The following SMG6 variants were observed in gnomAD, a reference collection of about 807,000 sequenced individuals.
SMG6 encodes telomerase-binding protein EST1A.
SMG6 carries 66 observed loss-of-function variants against 142.2 expected under a neutral mutation model. The ratio of observed to expected loss-of-function variants is 0.46; its 90% CI spans 0.38 to 0.57. SMG6 has a LOEUF of 0.57. Among genes scored for constraint, SMG6 ranks in the 20% least tolerant of loss-of-function variants. The probability of loss-of-function intolerance (pLI) is 0.00; values close to 1 mark genes in which losing one functional copy is unlikely to be tolerated. For synonymous variants in SMG6, 779 were observed against 702.4 expected (o/e 1.11, Z -1.72); for missense variants, 1,793 against 1,832.0 (o/e 0.98, Z 0.39).
chr17:2,189,484 G>A (rs980038050), intron 10 of SMG6, among the ~76,000 whole-genome samples: 3 of 152,130 alleles, frequency 2.0e-5, no homozygotes, highest in Non-Finnish European at 4.4e-5. Flanking sequence ...ACAGAATCAG[G>A]GGCCAGGCTC....
At chr17:2,188,902 A>G (rs117275944) in intron 10 of SMG6, among the ~76,000 whole-genome samples, 1,705 of 152,310 alleles carry the variant, frequency 0.011, 13 homozygotes, top group Non-Finnish European at 0.017. Flanking sequence ...GAGCACAGTC[A>G]TCAGTTAAGA....
intron 13 of SMG6, among the ~76,000 whole-genome samples, chr17:2,121,820 T>C (rs1681777101): frequency 6.6e-6 from 1 of 152,140 alleles, no homozygotes; most frequent in Admixed American, 6.6e-5. Context: ...TTTCGCCATG[T>C]TGCCCAGGCT....
At chr17:2,137,786 C>T (rs2070352440) in intron 13 of SMG6, among the ~76,000 whole-genome samples, 1 of 152,178 alleles carries the variant, frequency 6.6e-6, no homozygotes, top group Admixed American at 6.5e-5. Flanking sequence ...TGGCACATCC[C>T]CCACCCGCAA....
chr17:2,245,041 G>C, intron 8 of SMG6: 1 of 280,254 alleles, frequency 3.6e-6, no homozygotes, highest in East Asian at 6.6e-5. Flanking sequence ...GAGGATCTAG[G>C]AGCCACTCCG....
At chr17:2,070,596 T>C (rs2068073130) in intron 15 of SMG6, among the ~76,000 whole-genome samples, 2 of 152,132 alleles carry the variant, frequency 1.3e-5, no homozygotes. Flanking sequence ...GGGCATGCCT[T>C]CAAATGATGG....
chr17:2,272,333 T>C (rs563548576), intron 8 of SMG6, among the ~76,000 whole-genome samples: 12 of 152,320 alleles, frequency 7.9e-5, no homozygotes, highest in African/African-American at 2.9e-4. Flanking sequence ...TCCTCTCTCC[T>C]CACCCCAAAC....
At chr17:2,214,081 T>C (rs146348336) in intron 10 of SMG6, 160 of 152,306 alleles carry the variant, frequency 1.1e-3, no homozygotes, top group Middle Eastern at 6.8e-3. Context: ...AGCAGGAACA[T>C]AAGGCCCAGA....
chr17:2,082,207 TC>T (rs1342350005), intron 14 of SMG6: 7 of 503,422 alleles, frequency 1.4e-5, no homozygotes, highest in Non-Finnish European at 1.8e-5. Flanking sequence ...CATAAGTCAC[TC>T]GCAATCACAC....
chr17:2,262,110 G>A (rs749034204), intron 8 of SMG6, among the ~76,000 whole-genome samples: 3 of 152,184 alleles, frequency 2.0e-5, no homozygotes, highest in African/African-American at 7.2e-5. Flanking sequence ...TCCATAGCGA[G>A]TATTATCACA....
chr17:2,156,689 G>A (rs2071018191), intron 13 of SMG6, among the ~76,000 whole-genome samples: 2 of 151,986 alleles, frequency 1.3e-5, no homozygotes, highest in African/African-American at 4.8e-5. Flanking sequence ...GGGTCTTGCT[G>A]TGTAACCCAG....
At chr17:2,122,022 C>T (rs914095753) in intron 13 of SMG6, among the ~76,000 whole-genome samples, 7 of 151,890 alleles carry the variant, frequency 4.6e-5, no homozygotes, top group Admixed American at 3.9e-4. Context: ...TTAGTAGAGA[C>T]GGGGTTTCAC....
At chr17:2,150,219 T>C (rs949787155) in intron 13 of SMG6, among the ~76,000 whole-genome samples, 1 of 152,226 alleles carries the variant, frequency 6.6e-6, no homozygotes, top group Non-Finnish European at 1.5e-5. Flanking sequence ...GCAAGGAATC[T>C]AGCCTGCGTG....
chr17:2,206,883 T>G (rs1400885898), intron 10 of SMG6, among the ~76,000 whole-genome samples: 1 of 150,664 alleles, frequency 6.6e-6, no homozygotes, highest in East Asian at 2.0e-4. Flanking sequence ...GTGAGACACC[T>G]TCTCAAATAA....
intron 8 of SMG6, among the ~76,000 whole-genome samples, chr17:2,276,572 G>T (rs1168407866): frequency 6.6e-6 from 1 of 151,862 alleles, no homozygotes; most frequent in African/African-American, 2.4e-5. Flanking sequence ...TTTTAGTAGA[G>T]ACAGGGTTTC....
chr17:2,230,222 G>GAAAAAA (rs1491121338), intron 10 of SMG6, among the ~76,000 whole-genome samples: 1 of 29,848 alleles, frequency 3.4e-5, no homozygotes, highest in Non-Finnish European at 5.8e-5. Context: ...AAAAAAAAAA[G>GAAAAAA]GAAAAGAAAG....
intron 13 of SMG6, among the ~76,000 whole-genome samples, chr17:2,119,451 T>A (rs1202175055): frequency 2.0e-5 from 3 of 151,940 alleles, no homozygotes; most frequent in African/African-American, 7.3e-5. Context: ...GCCTCAGCCT[T>A]CCATAGTGCT....
chr17:2,157,001 A>G (rs991608303), intron 13 of SMG6, among the ~76,000 whole-genome samples: 1 of 152,170 alleles, frequency 6.6e-6, no homozygotes, highest in Non-Finnish European at 1.5e-5. Flanking sequence ...AGGGTTTAAA[A>G]AAGTGTTTGT....
intron 5 of SMG6, 96 bp from the exon 6 acceptor site, chr17:2,292,726 G>A: frequency 6.7e-7 from 1 of 1,503,548 alleles, no homozygotes; most frequent in East Asian, 2.3e-5. Context: ...AAGGTAGAGT[G>A]TTAGATGTAA....
At chr17:2,077,809 G>A (rs188197441) in intron 15 of SMG6, among the ~76,000 whole-genome samples, 2 of 152,248 alleles carry the variant, frequency 1.3e-5, no homozygotes, top group Admixed American at 6.5e-5. Context: ...TGGAACCATA[G>A]GCACGTGCCC....
Sources: gnomAD v4.1 joint callset for allele counts (sites outside exome capture counted in the v4.1 genomes callset) on GRCh38, gnomAD v4.1.1 for gene constraint, MANE v1.5 for transcripts, NCBI Gene and HGNC (gene_info 2026-07-23, HGNC 2026-07-21) for gene names.